The following FAM210B variants were observed in gnomAD, a reference collection of about 807,000 sequenced individuals.
FAM210B encodes the protein mitochondrial inner membrane scaffold 2.
A neutral mutation model predicts 14.9 loss-of-function variants in FAM210B; 11 were observed. The observed-to-expected ratio is 0.74, with a 90% CI of 0.46 to 1.22. FAM210B has a LOEUF of 1.22. Among genes scored for constraint, FAM210B ranks in the 50% most tolerant of loss-of-function variants. FAM210B has a pLI of 0.00. For synonymous variants in FAM210B, 113 were observed against 110.2 expected (o/e 1.03, Z -0.16); for missense variants, 229 against 250.1 (o/e 0.92, Z 0.57).
At chr20:56,361,809 T>C (rs1983537803) in intron 1 of FAM210B, among the ~76,000 whole-genome samples, 2 of 151,992 alleles carry the variant, frequency 1.3e-5, no homozygotes, top group South Asian at 4.2e-4. Context: ...AAGCCCCGTC[T>C]CTACTAAAAA....
rs920485048 is a variant in FAM210B at position 56,359,454 on chromosome 20, C to T, written c.186+263C>T. Among the ~76,000 whole-genome samples, 12 of 152,254 alleles carry T rather than the reference C, an allele frequency of 7.9e-5. No homozygotes were observed. The highest frequency in any genetic ancestry group is 1.3e-4 in the Non-Finnish European group (9 of 68,048). On this transcript the variant is annotated intron_variant, in intron 1 of 2. Coordinates refer to ENST00000371384, the MANE Select transcript of FAM210B (RefSeq NM_080821.3). The surrounding 1 kb of genome is among the most constrained non-coding windows in gnomAD (Gnocchi z 4.3). ...CGCAGTCTTCGGCCGAGCCCCGGGT[C>T]TGCAGAGCCTCAGCCAGGCTGGGGC... is the stretch of plus-strand genomic sequence containing the variant.
In FAM210B at chr20:56,362,480, A is replaced by G. The variant is rs1301654429; in HGVS notation, c.187-2607A>G. ...TTTCACGAAGAAATGAATGTCTAAA[A>G]ATTTTCCATTGCCTGCAAGTCACGC... On this transcript the variant is annotated intron_variant, in intron 1 of 2. Transcript: ENST00000371384. The surrounding 1 kb of genome is among the most constrained non-coding windows in gnomAD (Gnocchi z 4.8). Among the ~76,000 whole-genome samples the G allele has an allele frequency of 6.6e-6, 1 of 152,142 alleles. No individual in the cohort carries two copies. Among genetic ancestry groups the G allele is most frequent in the Non-Finnish European group, 1.5e-5 (1 of 68,028 alleles).
At chr20:56,365,043 C>G (rs1054729435) in intron 1 of FAM210B, 44 bp from the exon 2 acceptor site, 3 of 1,574,728 alleles carry the variant, frequency 1.9e-6, no homozygotes, top group Non-Finnish European at 2.6e-6. Context: ...AATGACTGCC[C>G]GTGCCTGCCC....
chr20:56,365,326 G>A, intron 2 of FAM210B, 64 bp downstream of exon 2: 2 of 1,544,934 alleles, frequency 1.3e-6, no homozygotes, highest in South Asian at 1.2e-5. Flanking sequence ...ATGTGAATAA[G>A]AACGTGTTTG....
rs1983674580 is a variant in FAM210B, at chr20:56,367,789, C to G, written c.*1502C>G. 1 of 152,234 alleles carries G rather than the reference C, an allele frequency of 6.6e-6. No individual in the cohort carries two copies. Among genetic ancestry groups the G allele is most frequent in the Non-Finnish European group, 1.5e-5 (1 of 68,056 alleles). 9.4% of individuals were successfully genotyped at this position (152,234 alleles called of 1,614,324 possible). On this transcript the variant is annotated 3_prime_UTR_variant, in exon 3 of 3. Coordinates refer to ENST00000371384, the MANE Select transcript of FAM210B (RefSeq NM_080821.3). ...CATTCTCTGATGCAGGGCACTTGCT[C>G]CACACTCTGGGAACCCAGATTCACC... is the stretch of plus-strand genomic sequence containing the variant.
chr20:56,364,183 T>G (rs936525324), intron 1 of FAM210B, among the ~76,000 whole-genome samples: 1 of 152,182 alleles, frequency 6.6e-6, no homozygotes, highest in Admixed American at 6.5e-5. Context: ...CAATCCACAT[T>G]TATTATCTTA....
chr20:56,361,001 C>T (rs1191175334), intron 1 of FAM210B, among the ~76,000 whole-genome samples: 1 of 152,208 alleles, frequency 6.6e-6, no homozygotes, highest in Non-Finnish European at 1.5e-5. Context: ...AGAGGCCCAC[C>T]CACGCTGCCT....
chr20:56,359,051 G>T lies in FAM210B; in HGVS notation c.46G>T (p.Ala16Ser), dbSNP rs1292738489. 4 of 1,351,848 alleles carry T rather than the reference G, an allele frequency of 3.0e-6. No homozygotes were observed. In the South Asian group the frequency reaches 6.5e-5, roughly 22 times the overall value. The allele number at this position is 1,351,848 out of a possible 1,614,324, so 83.7% of individuals were successfully genotyped here. A position where few individuals can be genotyped will look rare whatever the true frequency, so the allele number is the denominator to read the frequency against. The change falls in exon 1 of 3, where the codon GCC (alanine) becomes TCC (serine). Residue 16 changes from alanine to serine, a missense_variant. Transcript: ENST00000371384. The surrounding 1 kb of genome is among the most constrained non-coding windows in gnomAD (Gnocchi z 4.3). ...GCTGGGTCCGGCAGGCAGGGTGGGC[G>T]CCCGGGTCCGGCCTCGCGCCACCTG... ...ALLGPAGRVGARVRPRATWLL... is the reference protein window; with the variant it reads ...ALLGPAGRVGSRVRPRATWLL...
At position 56,366,564 on chromosome 20, in the gene FAM210B, A is replaced by G. The variant is rs925408704; in HGVS notation, c.*277A>G. On this transcript the variant is annotated 3_prime_UTR_variant, in exon 3 of 3. Transcript: ENST00000371384. The stretch of plus-strand genomic sequence containing the variant: ...ATGGGTTAACATCTCAAAACAAAAT[A>G]GCCTACAAATGTTCCTTGTGGGAGA... 5.0e-5 allele frequency: 17 copies of G among 337,766 alleles called. No homozygotes were observed. Among genetic ancestry groups the G allele is most frequent in the Non-Finnish European group, 8.7e-5 (16 of 184,328 alleles). 20.9% of individuals were successfully genotyped at this position (337,766 alleles called of 1,614,324 possible).
intron 2 of FAM210B, 58 bp downstream of exon 2, chr20:56,365,320 G>A: frequency 6.4e-7 from 1 of 1,553,874 alleles, no homozygotes; most frequent in African/African-American, 1.4e-5. Flanking sequence ...GATTCTATGT[G>A]AATAAGAACG....
At chr20:56,360,118 G>A (rs188626559) in intron 1 of FAM210B, 46 of 459,236 alleles carry the variant, frequency 1.0e-4, no homozygotes, top group Non-Finnish European at 1.9e-4. Flanking sequence ...GAGCGGATGG[G>A]GATTGGACCC....
chr20:56,366,583 T>C lies in FAM210B; in HGVS notation c.*296T>C. 3.5e-6 allele frequency: 1 copy of C among 285,078 alleles called. No homozygotes were observed. Among genetic ancestry groups the C allele is most frequent in the South Asian group, 4.7e-5 (1 of 21,450 alleles). 17.7% of individuals were successfully genotyped at this position (285,078 alleles called of 1,614,324 possible). ...CAAAATAGCCTACAAATGTTCCTTG[T>C]GGGAGACTTTGGCGAGGGTCTGTGG... On this transcript the variant is annotated 3_prime_UTR_variant, in exon 3 of 3. Transcript: ENST00000371384.
At chr20:56,364,823 A>G (rs1046667886) in intron 1 of FAM210B, among the ~76,000 whole-genome samples, 2 of 152,132 alleles carry the variant, frequency 1.3e-5, no homozygotes, top group African/African-American at 4.8e-5. Flanking sequence ...GTGTGGTGGC[A>G]CACACCTGTA....
chr20:56,362,701 G>T lies in FAM210B; in HGVS notation c.187-2386G>T, dbSNP rs114510603. 2.6e-5 allele frequency among the ~76,000 whole-genome samples: 4 copies of T among 152,220 alleles called. No individual in the cohort carries two copies. ...CCCGAGATTGTCCCTGTGTCTGAAT[G>T]TCTTGGCCCTACCACAGTCTTGCAG... is the stretch of plus-strand genomic sequence containing the variant. On this transcript the variant is annotated intron_variant, in intron 1 of 2. Coordinates refer to ENST00000371384, the MANE Select transcript of FAM210B (RefSeq NM_080821.3). The surrounding 1 kb of genome is among the most constrained non-coding windows in gnomAD (Gnocchi z 4.8).
chr20:56,366,169 A>G lies in FAM210B; in HGVS notation c.461A>G (p.Tyr154Cys), dbSNP rs760430737. 3 of 1,614,222 alleles carry G rather than the reference A, an allele frequency of 1.9e-6. No individual in the cohort carries two copies. The highest frequency in any genetic ancestry group is 2.2e-5 in the East Asian group (1 of 44,886). Reference protein sequence around the residue: ...AAGTSTFVVAYAIHKLFAPVR... With the variant: ...AAGTSTFVVACAIHKLFAPVR... ...GGCACAAGTACCTTCGTGGTGGCCTATGCAATCCACAAGCTGTTTGCGCCA... is the reference window on the plus strand; with the variant it reads ...GGCACAAGTACCTTCGTGGTGGCCTGTGCAATCCACAAGCTGTTTGCGCCA... The change falls in exon 3 of 3, where the codon TAT becomes TGT. Residue 154 changes from tyrosine (Y) to cysteine (C), a missense_variant. By Grantham distance (194) the Tyr-to-Cys change is radical. Around this residue, in one of 3 missense-constraint regions of FAM210B, gnomAD observed 53 missense variants for 55.4 expected, o/e 0.96. Transcript: ENST00000371384.
chr20:56,361,168 T>G (rs377759092), intron 1 of FAM210B, among the ~76,000 whole-genome samples: 2 of 152,272 alleles, frequency 1.3e-5, no homozygotes, highest in African/African-American at 4.8e-5. Flanking sequence ...GGCAGATGAC[T>G]TGCTCTCCCA....
Position 56,359,733 on chromosome 20 carries a change from G to A in FAM210B, c.186+542G>A, listed in dbSNP as rs1983493654. 6.6e-6 allele frequency among the ~76,000 whole-genome samples: 1 copy of A among 152,218 alleles called. No homozygotes were observed. The highest frequency in any genetic ancestry group is 2.1e-4 in the South Asian group (1 of 4,838). The stretch of plus-strand genomic sequence containing the variant: ...GTTTTCCTTCAGAGCAGTCATACCA[G>A]CTTTCCTTTCAAGAAATCTATCACT... On this transcript the variant is annotated intron_variant, in intron 1 of 2. Transcript: ENST00000371384. The surrounding 1 kb of genome is among the most constrained non-coding windows in gnomAD (Gnocchi z 4.3).
chr20:56,360,473 G>A (rs1166777343), intron 1 of FAM210B: 1 of 244,878 alleles, frequency 4.1e-6, no homozygotes, highest in African/African-American at 2.2e-5. Flanking sequence ...GTATACAGTG[G>A]CAAAGAGTTG....
At position 56,359,022 on chromosome 20, in the gene FAM210B, C is replaced by A; in HGVS notation, c.17C>A (p.Ala6Glu). 7.5e-7 allele frequency: 1 copy of A among 1,337,924 alleles called. No individual in the cohort carries two copies. Among genetic ancestry groups the A allele is most frequent in the Non-Finnish European group, 9.6e-7 (1 of 1,038,362 alleles). 82.9% of individuals were successfully genotyped at this position (1,337,924 alleles called of 1,614,324 possible). A position where few individuals can be genotyped will look rare whatever the true frequency, so the allele number is the denominator to read the frequency against. The change falls in exon 1 of 3, where the codon GCG (alanine) becomes GAG (glutamate). Residue 6 changes from alanine (A) to glutamate (E), a missense_variant. Transcript: ENST00000371384. The surrounding 1 kb of genome is among the most constrained non-coding windows in gnomAD (Gnocchi z 4.3). Reference sequence around the variant, plus strand: ...CTGCGCACCATGGCCGGGTTGCTGGCGTTGCTGGGTCCGGCAGGCAGGGTG... The same window carrying A: ...CTGCGCACCATGGCCGGGTTGCTGGAGTTGCTGGGTCCGGCAGGCAGGGTG... MAGLL[A>E]LLGPAGRVGA... is the part of the protein sequence containing the mutation.
Sources: gnomAD v4.1 joint callset for allele counts (sites outside exome capture counted in the v4.1 genomes callset) on GRCh38, gnomAD v4.1.1 for gene constraint, gnomAD v4.1.1 regional missense constraint, Gnocchi (gnomAD v3.1) non-coding constraint, MANE v1.5 for transcripts, NCBI Gene and HGNC (gene_info 2026-07-23, HGNC 2026-07-21) for gene names.